Variants in TMED10 observed in about 807,000 individuals in gnomAD.
TMED10 encodes transmembrane emp24 domain-containing protein 10.
Under a neutral mutation model 23.1 loss-of-function variants are expected in TMED10, and 7 were observed. That is an observed-to-expected ratio of 0.30 (90% CI 0.17 to 0.57). The LOEUF (loss-of-function observed/expected upper bound fraction) is 0.57. TMED10 is among the 20% of genes least tolerant of loss of function. The pLI is 0.91. For synonymous variants in TMED10, 113 were observed against 106.9 expected (o/e 1.06, Z -0.35); for missense variants, 162 against 274.8 (o/e 0.59, Z 2.90).
intron 3 of TMED10, chr14:75,147,443 C>G: frequency 1.7e-6 from 1 of 575,524 alleles, no homozygotes; most frequent in South Asian, 2.1e-5. Context: ...ATCCACCCGC[C>G]TTGGCCTCCC....
intron 1 of TMED10, among the ~76,000 whole-genome samples, chr14:75,170,128 G>A (rs1170440354): frequency 2.0e-5 from 3 of 152,174 alleles, no homozygotes; most frequent in Non-Finnish European, 4.4e-5. Flanking sequence ...TTGGGAGGCT[G>A]AGGCAGGAGA....
At chr14:75,137,890 G>A (rs148390952) in intron 3 of TMED10, among the ~76,000 whole-genome samples, 4 of 151,970 alleles carry the variant, frequency 2.6e-5, no homozygotes, top group Admixed American at 1.3e-4. Context: ...TATATGTTCA[G>A]TAGAGATGAG....
chr14:75,154,266 G>A (rs1895992551), intron 1 of TMED10, among the ~76,000 whole-genome samples: 1 of 149,044 alleles, frequency 6.7e-6, no homozygotes, highest in African/African-American at 2.5e-5. Flanking sequence ...GCCAGGAGTG[G>A]TATTGGGCGC....
chr14:75,144,981 AG>A (rs1895864932), intron 3 of TMED10, among the ~76,000 whole-genome samples: 1 of 152,216 alleles, frequency 6.6e-6, no homozygotes, highest in South Asian at 2.1e-4. Context: ...TTTCTAAGCA[AG>A]GTTCAAGGCA....
At chr14:75,150,137 G>T (rs923564036) in intron 2 of TMED10, among the ~76,000 whole-genome samples, 2 of 152,092 alleles carry the variant, frequency 1.3e-5, no homozygotes, top group Non-Finnish European at 2.9e-5. Flanking sequence ...GGATAGACTG[G>T]AAAGATTAAC....
chr14:75,156,464 G>A (rs928128669), intron 1 of TMED10, among the ~76,000 whole-genome samples: 2 of 151,982 alleles, frequency 1.3e-5, no homozygotes, highest in Non-Finnish European at 2.9e-5. Flanking sequence ...AACATACTGA[G>A]TCTACTGGAC....
At chr14:75,174,119 T>C (rs1018917244) in intron 1 of TMED10, among the ~76,000 whole-genome samples, 5 of 152,172 alleles carry the variant, frequency 3.3e-5, no homozygotes, top group Admixed American at 6.5e-5. Context: ...CTGTTATTTA[T>C]AGAGTACTTA....
intron 1 of TMED10, among the ~76,000 whole-genome samples, chr14:75,169,318 G>A (rs1896201136): frequency 6.6e-6 from 1 of 152,170 alleles, no homozygotes; most frequent in Non-Finnish European, 1.5e-5. Context: ...CAGAAAGAAG[G>A]TGAATCAGTC....
intron 1 of TMED10, among the ~76,000 whole-genome samples, chr14:75,163,234 C>T (rs1449263135): frequency 6.7e-6 from 1 of 148,442 alleles, no homozygotes; most frequent in Non-Finnish European, 1.5e-5. Flanking sequence ...AGAGCAAGAC[C>T]CTGTCTCAAA....
At chr14:75,147,432 G>A (rs544871326) in intron 3 of TMED10, 33 of 544,586 alleles carry the variant, frequency 6.1e-5, no homozygotes, top group African/African-American at 4.9e-4. Flanking sequence ...GACCTCAGGC[G>A]ATCCACCCGC....
At chr14:75,140,687 T>G (rs1460610815) in intron 3 of TMED10, among the ~76,000 whole-genome samples, 2 of 152,118 alleles carry the variant, frequency 1.3e-5, no homozygotes, top group Admixed American at 6.5e-5. Flanking sequence ...CAGCCTGGGC[T>G]GGGTGGACTC....
intron 3 of TMED10, among the ~76,000 whole-genome samples, chr14:75,138,161 C>G (rs1461697258): frequency 1.3e-5 from 2 of 152,144 alleles, no homozygotes; most frequent in African/African-American, 4.8e-5. Flanking sequence ...GAATAGGAGG[C>G]ATTTATTTTA....
chr14:75,132,055 T>C lies in TMED10; in HGVS notation c.*2830A>G, dbSNP rs1018772993. ...TCAGAAATAGGAAAGAAAATCTTGT[T>C]AGGCTAACGGTACATGATAGAAATT... On this transcript the variant is annotated 3_prime_UTR_variant, in exon 5 of 5. Coordinates refer to ENST00000303575, the MANE Select transcript of TMED10 (RefSeq NM_006827.6). 7.2e-5 allele frequency: 11 copies of C among 152,602 alleles called. No individual in the cohort carries two copies. Among genetic ancestry groups the C allele is most frequent in the African/African-American group, 2.7e-4 (11 of 41,450 alleles). The allele number at this position is 152,602 out of a possible 1,614,324, so 9.5% of individuals were successfully genotyped here.
intron 1 of TMED10, among the ~76,000 whole-genome samples, chr14:75,158,951 C>A (rs894107918): frequency 2.6e-5 from 4 of 151,798 alleles, no homozygotes; most frequent in Non-Finnish European, 4.4e-5. Context: ...TAAATAAATA[C>A]CTTAGAACCC....
intron 1 of TMED10, among the ~76,000 whole-genome samples, chr14:75,155,531 T>A (rs1896010495): frequency 6.6e-6 from 1 of 152,254 alleles, no homozygotes; most frequent in Admixed American, 6.5e-5. Flanking sequence ...TGTGTATGTA[T>A]AACAAAACAT....
At chr14:75,168,192 C>A (rs1896188113) in intron 1 of TMED10, among the ~76,000 whole-genome samples, 2 of 152,100 alleles carry the variant, frequency 1.3e-5, no homozygotes, top group African/African-American at 4.8e-5. Context: ...CATCAGTCAC[C>A]CCCTACTCCC....
At chr14:75,154,600 G>A (rs1177697737) in intron 1 of TMED10, among the ~76,000 whole-genome samples, 1 of 151,550 alleles carries the variant, frequency 6.6e-6, no homozygotes, top group Non-Finnish European at 1.5e-5. Context: ...ATAAACAGTA[G>A]TATTAGTCAA....
At chr14:75,164,417 G>C (rs962950395) in intron 1 of TMED10, among the ~76,000 whole-genome samples, 5 of 149,426 alleles carry the variant, frequency 3.3e-5, no homozygotes, top group African/African-American at 1.2e-4. Context: ...TTTTTAAGTA[G>C]AGATAGGGTT....
At chr14:75,143,159 T>C (rs1242094573) in intron 3 of TMED10, among the ~76,000 whole-genome samples, 1 of 151,984 alleles carries the variant, frequency 6.6e-6, no homozygotes, top group African/African-American at 2.4e-5. Context: ...GCGCCCAGCC[T>C]GCATCTATTT....
Sources: gnomAD v4.1 joint callset for allele counts (sites outside exome capture counted in the v4.1 genomes callset) on GRCh38, gnomAD v4.1.1 for gene constraint, MANE v1.5 for transcripts, NCBI Gene and HGNC (gene_info 2026-07-23, HGNC 2026-07-21) for gene names.